PPM1E: variants seen among roughly 807,000 people sequenced by gnomAD.
PPM1E encodes protein phosphatase, Mg2+/Mn2+ dependent 1E.
In PPM1E, 20 loss-of-function variants were observed where a neutral mutation model predicts 65.9. The observed-to-expected ratio is 0.30, with a 90% CI of 0.21 to 0.44. The LOEUF (loss-of-function observed/expected upper bound fraction) is 0.44. Ranked by LOEUF, PPM1E falls within the 20% of genes least tolerant of loss-of-function variation. The probability of loss-of-function intolerance (pLI) is 1.00; values close to 1 mark genes in which losing one functional copy is unlikely to be tolerated. For synonymous variants in PPM1E, 352 were observed against 374.9 expected (o/e 0.94, Z 0.70); for missense variants, 713 against 953.1 (o/e 0.75, Z 3.32).
At chr17:58,967,768 G>A (rs1252033957) in intron 3 of PPM1E, among the ~76,000 whole-genome samples, 1 of 151,094 alleles carries the variant, frequency 6.6e-6, no homozygotes, top group Non-Finnish European at 1.5e-5. Flanking sequence ...TGCTTTAGTA[G>A]GGATAGAAAT....
chr17:58,914,251 C>T (rs2051660538), intron 1 of PPM1E, among the ~76,000 whole-genome samples: 1 of 152,168 alleles, frequency 6.6e-6, no homozygotes, highest in Non-Finnish European at 1.5e-5. Flanking sequence ...AAGAAGCCAA[C>T]CAGCATTTGT....
intron 1 of PPM1E, among the ~76,000 whole-genome samples, chr17:58,758,907 TAAA>T (rs2049795728): frequency 6.6e-6 from 1 of 151,926 alleles, no homozygotes; most frequent in South Asian, 2.1e-4. Context: ...CCGTCTCTAC[TAAA>T]AACACAATAA....
intron 1 of PPM1E, among the ~76,000 whole-genome samples, chr17:58,789,500 C>T (rs1183174433): frequency 2.0e-5 from 3 of 152,140 alleles, no homozygotes; most frequent in Admixed American, 6.6e-5. Context: ...TAAATTTACA[C>T]TGCTTTCATC....
chr17:58,867,696 T>C (rs2051021241), intron 1 of PPM1E, among the ~76,000 whole-genome samples: 1 of 152,230 alleles, frequency 6.6e-6, no homozygotes, highest in South Asian at 2.1e-4. Context: ...TATGGCAATA[T>C]AAATTGCAAT....
intron 1 of PPM1E, among the ~76,000 whole-genome samples, chr17:58,868,062 G>A (rs1206815569): frequency 6.6e-6 from 1 of 152,152 alleles, no homozygotes; most frequent in Non-Finnish European, 1.5e-5. Flanking sequence ...AGGCGCAGTG[G>A]TTCATGTCTA....
At chr17:58,761,047 C>T (rs1382570279) in intron 1 of PPM1E, among the ~76,000 whole-genome samples, 3 of 152,278 alleles carry the variant, frequency 2.0e-5, no homozygotes, top group African/African-American at 7.2e-5. Context: ...AAGAAGTTCA[C>T]CTAAACTTTA....
intron 1 of PPM1E, among the ~76,000 whole-genome samples, chr17:58,774,559 C>T (rs7214266): frequency 0.14 from 21,901 of 152,046 alleles, 2,446 homozygotes; most frequent in East Asian, 0.31. Context: ...TTGCTAGATG[C>T]AAAGATTGCC....
At chr17:58,865,378 C>A (rs2050990149) in intron 1 of PPM1E, among the ~76,000 whole-genome samples, 1 of 149,816 alleles carries the variant, frequency 6.7e-6, no homozygotes, top group Non-Finnish European at 1.5e-5. Flanking sequence ...GAGTGAGACT[C>A]TGTCTCCAAA....
intron 1 of PPM1E, among the ~76,000 whole-genome samples, chr17:58,766,099 G>A (rs1348502278): frequency 1.3e-5 from 2 of 150,382 alleles, no homozygotes; most frequent in Admixed American, 6.7e-5. Context: ...AGGCTGGTCT[G>A]GAACTCCTGA....
At position 58,982,415 on chromosome 17, in the gene PPM1E, A is replaced by C. The variant is rs1307221042; in HGVS notation, c.*1384A>C. The C allele has an allele frequency of 6.5e-6, 1 of 152,932 alleles. No homozygotes were observed. The highest frequency in any genetic ancestry group is 1.9e-4 in the East Asian group (1 of 5,214). 9.5% of individuals were successfully genotyped at this position (152,932 alleles called of 1,614,324 possible). ...GTTACCCTCCCCTAGTCAACAGCAG[A>C]CCAGCCTGGCCAATGCCTATGGGTG... On this transcript the variant is annotated 3_prime_UTR_variant, in exon 7 of 7. Transcript: ENST00000308249.
chr17:58,760,848 A>G (rs2049814527), intron 1 of PPM1E, among the ~76,000 whole-genome samples: 1 of 152,240 alleles, frequency 6.6e-6, no homozygotes, highest in Admixed American at 6.5e-5. Context: ...ACTGAAAGCT[A>G]TTATACTTAG....
At chr17:58,848,835 T>C (rs2050796490) in intron 1 of PPM1E, among the ~76,000 whole-genome samples, 1 of 152,230 alleles carries the variant, frequency 6.6e-6, no homozygotes, top group Non-Finnish European at 1.5e-5. Flanking sequence ...TTGGAATAGT[T>C]TCAGAAGGAA....
At chr17:58,828,052 C>G (rs2050560582) in intron 1 of PPM1E, among the ~76,000 whole-genome samples, 1 of 151,102 alleles carries the variant, frequency 6.6e-6, no homozygotes, top group South Asian at 2.1e-4. Flanking sequence ...AACCCCGTGT[C>G]TACTAAAAAT....
intron 1 of PPM1E, among the ~76,000 whole-genome samples, chr17:58,757,401 G>A (rs1456690673): frequency 1.3e-5 from 2 of 152,100 alleles, no homozygotes; most frequent in Non-Finnish European, 2.9e-5. Context: ...AAATAGAAAC[G>A]GTTTACAATT....
chr17:58,968,004 A>G (rs2030366296), intron 3 of PPM1E, among the ~76,000 whole-genome samples: 1 of 151,994 alleles, frequency 6.6e-6, no homozygotes, highest in Non-Finnish European at 1.5e-5. Flanking sequence ...GGGTTTCACC[A>G]TGTTGGCCAG....
At chr17:58,882,957 T>C (rs866471328) in intron 1 of PPM1E, among the ~76,000 whole-genome samples, 2,093 of 145,154 alleles carry the variant, frequency 0.014, 48 homozygotes, top group African/African-American at 0.049. Context: ...CTTTCTTTTT[T>C]TTTTTTTTTT....
chr17:58,963,143 G>A (rs2030091765), intron 2 of PPM1E, among the ~76,000 whole-genome samples: 1 of 152,092 alleles, frequency 6.6e-6, no homozygotes, highest in Admixed American at 6.6e-5. Flanking sequence ...CCAGCACTCT[G>A]GGAGGCCGAG....
chr17:58,839,036 A>G (rs1318752527), intron 1 of PPM1E, among the ~76,000 whole-genome samples: 4 of 139,348 alleles, frequency 2.9e-5, no homozygotes, highest in Non-Finnish European at 6.2e-5. Flanking sequence ...GGAGGGATGA[A>G]TAGGTGAAGC....
chr17:58,924,431 G>C (rs1270127054), intron 1 of PPM1E, among the ~76,000 whole-genome samples: 1 of 152,000 alleles, frequency 6.6e-6, no homozygotes, highest in Non-Finnish European at 1.5e-5. Context: ...CATGCCTGTA[G>C]CTCCAGCTGC....
Sources: gnomAD v4.1 joint callset for allele counts (sites outside exome capture counted in the v4.1 genomes callset) on GRCh38, gnomAD v4.1.1 for gene constraint, MANE v1.5 for transcripts, NCBI Gene and HGNC (gene_info 2026-07-23, HGNC 2026-07-21) for gene names.